The following CNTNAP5 variants were observed in gnomAD, a reference collection of about 807,000 sequenced individuals.
CNTNAP5 encodes contactin associated protein family member 5, also known as contactin-associated protein-like 5.
In CNTNAP5, 72 loss-of-function variants were observed where a neutral mutation model predicts 150.2. The ratio of observed to expected loss-of-function variants is 0.48; its 90% CI spans 0.40 to 0.58. The LOEUF is 0.58. Ranked by LOEUF, CNTNAP5 falls within the 20% of genes least tolerant of loss-of-function variation. The pLI is 0.00. For synonymous variants in CNTNAP5, 672 were observed against 619.8 expected (o/e 1.08, Z -1.25); for missense variants, 1,636 against 1,626.2 (o/e 1.01, Z -0.10).
At chr2:124,366,061 A>G (rs1690362851) in intron 3 of CNTNAP5, among the ~76,000 whole-genome samples, 1 of 152,116 alleles carries the variant, frequency 6.6e-6, no homozygotes, top group South Asian at 2.1e-4. Flanking sequence ...TTCTTTGGAG[A>G]GATAGTCTAT....
intron 17 of CNTNAP5, among the ~76,000 whole-genome samples, chr2:124,788,034 A>G (rs1365774578): frequency 6.6e-6 from 1 of 152,144 alleles, no homozygotes; most frequent in African/African-American, 2.4e-5. Flanking sequence ...GTAGACCTCA[A>G]AGGCCTGTGT....
At chr2:124,369,604 C>T (rs1690466861) in intron 3 of CNTNAP5, among the ~76,000 whole-genome samples, 1 of 152,060 alleles carries the variant, frequency 6.6e-6, no homozygotes, top group African/African-American at 2.4e-5. Flanking sequence ...GTGTTATAAC[C>T]TGTCAAATTG....
intron 3 of CNTNAP5, among the ~76,000 whole-genome samples, chr2:124,264,374 GCACACA>G (rs749789624): frequency 0.11 from 5,356 of 50,030 alleles, 184 homozygotes; most frequent in East Asian, 0.27. Flanking sequence ...ACACACACAG[GCACACA>G]CACACACATA....
At chr2:124,049,367 T>C (rs1297903070) in intron 1 of CNTNAP5, among the ~76,000 whole-genome samples, 1 of 152,228 alleles carries the variant, frequency 6.6e-6, no homozygotes, top group Non-Finnish European at 1.5e-5. Flanking sequence ...GAGGTGGCAG[T>C]AGTTCCTGTC....
chr2:124,748,941 T>G (rs2105147072), intron 14 of CNTNAP5, among the ~76,000 whole-genome samples: 1 of 152,278 alleles, frequency 6.6e-6, no homozygotes. Context: ...TGCAGCGAAT[T>G]CTATCTCATT....
intron 1 of CNTNAP5, among the ~76,000 whole-genome samples, chr2:124,090,371 G>A (rs896655344): frequency 6.6e-6 from 1 of 152,070 alleles, no homozygotes; most frequent in Non-Finnish European, 1.5e-5. Context: ...CTTCCTGAGG[G>A]CAAATATTTT....
intron 3 of CNTNAP5, among the ~76,000 whole-genome samples, chr2:124,395,502 C>T (rs1691222795): frequency 6.6e-6 from 1 of 151,922 alleles, no homozygotes; most frequent in African/African-American, 2.4e-5. Flanking sequence ...TCTCTGCTCT[C>T]CTGCTTGGAA....
chr2:124,308,313 G>C (rs750781901), intron 3 of CNTNAP5, among the ~76,000 whole-genome samples: 1 of 152,028 alleles, frequency 6.6e-6, no homozygotes, highest in African/African-American at 2.4e-5. Context: ...CTTACAAACC[G>C]TTTATCCATC....
At chr2:124,356,490 A>G (rs1272989749) in intron 3 of CNTNAP5, among the ~76,000 whole-genome samples, 1 of 123,504 alleles carries the variant, frequency 8.1e-6, no homozygotes, top group African/African-American at 3.1e-5. Context: ...CCAGAGTGTG[A>G]TATTCCCCTT....
At chr2:124,559,929 C>T (rs1695849290) in intron 10 of CNTNAP5, among the ~76,000 whole-genome samples, 1 of 152,192 alleles carries the variant, frequency 6.6e-6, no homozygotes, top group Non-Finnish European at 1.5e-5. Context: ...TTTTTTCTTT[C>T]TCATTCTGGG....
chr2:124,486,617 A>C (rs12617434), intron 7 of CNTNAP5, among the ~76,000 whole-genome samples: 128,683 of 151,628 alleles, frequency 0.85, 54,772 homozygotes, highest in East Asian at 1. Context: ...GTTGGGAAGA[A>C]ACAAGGAGAC....
At chr2:124,531,709 A>G (rs1420500586) in intron 10 of CNTNAP5, among the ~76,000 whole-genome samples, 2 of 152,152 alleles carry the variant, frequency 1.3e-5, no homozygotes, top group Non-Finnish European at 2.9e-5. Flanking sequence ...CACTGTGTGT[A>G]TTCTCTCCTT....
intron 1 of CNTNAP5, among the ~76,000 whole-genome samples, chr2:124,174,054 A>C (rs1821954): frequency 4.3e-4 from 65 of 151,080 alleles, no homozygotes; most frequent in Non-Finnish European, 1.5e-4. Flanking sequence ...CAGCACATCT[A>C]TCTATAGCAT....
intron 3 of CNTNAP5, among the ~76,000 whole-genome samples, chr2:124,329,347 A>G (rs1689293590): frequency 6.6e-6 from 1 of 152,160 alleles, no homozygotes; most frequent in South Asian, 2.1e-4. Flanking sequence ...AAGCAATTTT[A>G]AGACTTGCAT....
intron 19 of CNTNAP5, among the ~76,000 whole-genome samples, chr2:124,842,517 T>A (rs141820112): frequency 4.3e-4 from 66 of 152,342 alleles, no homozygotes; most frequent in African/African-American, 1.6e-3. Context: ...CAGAGTCCCA[T>A]GGAAGAGTAG....
chr2:124,125,771 G>A (rs969058061), intron 1 of CNTNAP5, among the ~76,000 whole-genome samples: 11 of 152,070 alleles, frequency 7.2e-5, no homozygotes, highest in South Asian at 4.1e-4. Flanking sequence ...ACTCAAAACC[G>A]CTCAACTATA....
intron 22 of CNTNAP5, among the ~76,000 whole-genome samples, chr2:124,905,947 A>G (rs1378090689): frequency 6.6e-6 from 1 of 152,202 alleles, no homozygotes; most frequent in Non-Finnish European, 1.5e-5. Flanking sequence ...TAAATGGATT[A>G]GTGTGGGAGA....
chr2:124,323,552 G>A (rs1015314568), intron 3 of CNTNAP5, among the ~76,000 whole-genome samples: 1 of 152,156 alleles, frequency 6.6e-6, no homozygotes, highest in Non-Finnish European at 1.5e-5. Context: ...CCGACTCTGG[G>A]AGGCAGAAGC....
chr2:124,789,369 G>T (rs971774372), intron 17 of CNTNAP5, among the ~76,000 whole-genome samples: 1 of 152,140 alleles, frequency 6.6e-6, no homozygotes, highest in Non-Finnish European at 1.5e-5. Flanking sequence ...GAGGGAGGGG[G>T]TTCCCAGCCT....
Sources: allele counts gnomAD v4.1 joint callset (sites outside exome capture counted in the v4.1 genomes callset), GRCh38; gene constraint gnomAD v4.1.1; transcripts MANE v1.5; gene names NCBI Gene and HGNC (gene_info 2026-07-23, HGNC 2026-07-21).